Variants in RUFY1 observed in about 807,000 individuals in gnomAD.
RUFY1 encodes the protein RUN and FYVE domain containing 1, also known as RUN and FYVE domain-containing protein 1.
Under a neutral mutation model 94.6 loss-of-function variants are expected in RUFY1, and 54 were observed. The observed-to-expected ratio is 0.57, with a 90% CI of 0.46 to 0.72. RUFY1 has a LOEUF of 0.72. RUFY1 is among the 30% of genes least tolerant of loss of function. RUFY1 has a pLI of 0.00. For missense variants in RUFY1, 883 were observed against 883.9 expected (o/e 1.00, Z 0.01); for synonymous variants, 396 against 347.3 (o/e 1.14, Z -1.56).
intron 17 of RUFY1, chr5:179,608,693 TGAG>T (rs1767368549): frequency 2.2e-6 from 2 of 924,544 alleles, no homozygotes; most frequent in African/African-American, 1.8e-5. Context: ...TTTGGGAGGC[TGAG>T]GTGGGTGGAT....
At chr5:179,588,691 AT>A (rs1208732589) in intron 8 of RUFY1, among the ~76,000 whole-genome samples, 3 of 152,122 alleles carry the variant, frequency 2.0e-5, no homozygotes, top group Admixed American at 6.6e-5. Flanking sequence ...AGTGACAACT[AT>A]TCTTGTCATT....
intron 2 of RUFY1, 116 bp downstream of exon 2, chr5:179,560,314 A>T: frequency 7.6e-7 from 1 of 1,314,774 alleles, no homozygotes. Flanking sequence ...TGTACAGAAC[A>T]GGCAAGGTTC....
intron 11 of RUFY1, 97 bp from the exon 12 acceptor site, chr5:179,594,760 CAAAAAAAAA>C (rs57540208): frequency 5.4e-4 from 179 of 333,470 alleles, no homozygotes; most frequent in Middle Eastern, 1.7e-3. Context: ...GACTCTGTCT[CAAAAAAAAA>C]AAAAAAAAAA....
At chr5:179,578,700 G>A (rs1763853713) in intron 6 of RUFY1, among the ~76,000 whole-genome samples, 1 of 152,076 alleles carries the variant, frequency 6.6e-6, no homozygotes, top group Non-Finnish European at 1.5e-5. Context: ...CTAGAGTGCA[G>A]TGGCACGATC....
intron 4 of RUFY1, 38 bp from the exon 5 acceptor site, chr5:179,569,264 G>GCT (rs750215432): frequency 1.3e-5 from 21 of 1,613,194 alleles, no homozygotes; most frequent in Non-Finnish European, 1.8e-5. Flanking sequence ...TGGTGAAGCT[G>GCT]TTTCTGAGCA....
chr5:179,592,897 G>C (rs1297678707), intron 10 of RUFY1, among the ~76,000 whole-genome samples: 1 of 152,122 alleles, frequency 6.6e-6, no homozygotes, highest in African/African-American at 2.4e-5. Context: ...CTGATCTGTG[G>C]GTATGGAAAA....
intron 1 of RUFY1, among the ~76,000 whole-genome samples, chr5:179,554,602 T>C (rs2127502403): frequency 6.6e-6 from 1 of 151,914 alleles, no homozygotes; most frequent in African/African-American, 2.4e-5. Flanking sequence ...TGTCCATAGG[T>C]GTCCTGTTTG....
At chr5:179,606,181 T>C (rs532212257) in intron 16 of RUFY1, 3 of 551,712 alleles carry the variant, frequency 5.4e-6, no homozygotes, top group Non-Finnish European at 9.6e-6. Flanking sequence ...ATAGGCCTGA[T>C]GGGCATTCCC....
chr5:179,558,613 T>C (rs1394099253), intron 1 of RUFY1, among the ~76,000 whole-genome samples: 1 of 151,972 alleles, frequency 6.6e-6, no homozygotes, highest in African/African-American at 2.4e-5. Context: ...CGAAATGCTT[T>C]ACTTAAGCCA....
chr5:179,586,959 T>C (rs375363118), intron 8 of RUFY1, among the ~76,000 whole-genome samples: 2 of 152,208 alleles, frequency 1.3e-5, no homozygotes, highest in East Asian at 3.8e-4. Context: ...CTCGAGTTGT[T>C]TGATTTTAGA....
At chr5:179,606,993 C>G (rs943656251) in intron 16 of RUFY1, 2 of 153,288 alleles carry the variant, frequency 1.3e-5, no homozygotes, top group African/African-American at 4.8e-5. Flanking sequence ...CCTTTCAAAG[C>G]CTCAGCCGCC....
At position 179,567,481 on chromosome 5, in the gene RUFY1, G is replaced by T. The variant is rs767996315; in HGVS notation, c.623G>T (p.Arg208Leu). ...PELKTAVGRG[R>L]AWLYLALMQK... ...TCTAGGACAGCTGTGGGAAGAGGCC[G>T]AGCGTGGCTTTATCTTGCACTCATG... is the stretch of plus-strand genomic sequence containing the variant. The change falls in exon 4 of 18, where the codon CGA becomes CTA. Residue 208 changes from arginine to leucine, a missense_variant. Physicochemically the swap from Arg to Leu is moderately radical, Grantham distance 102. Coordinates refer to ENST00000319449, the MANE Select transcript of RUFY1 (RefSeq NM_025158.5). 1 of 1,613,848 alleles carries T rather than the reference G, an allele frequency of 6.2e-7. No homozygotes were observed. Among genetic ancestry groups the T allele is most frequent in the East Asian group, 2.2e-5 (1 of 44,892 alleles).
chr5:179,560,332 C>A (rs1762343804), intron 2 of RUFY1, 134 bp downstream of exon 2: 1 of 1,133,470 alleles, frequency 8.8e-7, no homozygotes, highest in Non-Finnish European at 1.2e-6. Flanking sequence ...TTCCTGTATT[C>A]AGAAGCGACG....
intron 7 of RUFY1, among the ~76,000 whole-genome samples, chr5:179,584,067 T>C (rs1236176011): frequency 6.6e-6 from 1 of 152,230 alleles, no homozygotes; most frequent in Non-Finnish European, 1.5e-5. Flanking sequence ...AAGAAAAATA[T>C]ACAATTGGGG....
chr5:179,578,242 C>A (rs1181342445), intron 6 of RUFY1, among the ~76,000 whole-genome samples: 3 of 152,156 alleles, frequency 2.0e-5, no homozygotes, highest in Admixed American at 1.3e-4. Flanking sequence ...GAGATGGATT[C>A]TCGCTCTGTC....
At position 179,609,462 on chromosome 5, in the gene RUFY1, A is replaced by G; in HGVS notation, c.2070A>G (p.Arg690=). 6.2e-7 allele frequency: 1 copy of G among 1,611,750 alleles called. No individual in the cohort carries two copies. The highest frequency in any genetic ancestry group is 8.5e-7 in the Non-Finnish European group (1 of 1,179,718). Residue 690 remains arginine, a synonymous_variant, in exon 18 of 18, where the codon CGA becomes CGG. Transcript: ENST00000319449. ...LALPSYPKPV[R]VCDSCHTLLL... ...TGCCCTCCTACCCCAAGCCGGTGCG[A>G]GTGTGCGACAGCTGCCACACCCTGC...
rs750910790 is a variant in RUFY1, at chr5:179,550,579, C to G, written c.10C>G (p.Arg4Gly). MAD[R>G]EGGCAAGRGR... The stretch of plus-strand genomic sequence containing the variant: ...ACATGACACGGCCAAGATGGCCGAC[C>G]GGGAAGGCGGCTGCGCTGCTGGGCG... The change falls in exon 1 of 18, where the codon CGG (arginine) becomes GGG (glycine). Residue 4 changes from arginine (R) to glycine (G), a missense_variant. Transcript: ENST00000319449. 5.9e-6 allele frequency: 7 copies of G among 1,187,434 alleles called. No homozygotes were observed. The highest frequency in any genetic ancestry group is 4.1e-5 in the African/African-American group (2 of 48,742). 73.6% of individuals were successfully genotyped at this position (1,187,434 alleles called of 1,614,324 possible).
intron 1 of RUFY1, among the ~76,000 whole-genome samples, chr5:179,559,041 C>T (rs1561957108): frequency 6.6e-6 from 1 of 152,184 alleles, no homozygotes; most frequent in Non-Finnish European, 1.5e-5. Context: ...CAGCTGCAAA[C>T]CAAAAACAAT....
At chr5:179,556,386 G>A (rs1762115448) in intron 1 of RUFY1, among the ~76,000 whole-genome samples, 2 of 151,974 alleles carry the variant, frequency 1.3e-5, no homozygotes, top group Admixed American at 6.6e-5. Flanking sequence ...GAAGCTCTAA[G>A]TGTATAAAAA....
Sources: gnomAD v4.1 joint callset for allele counts (sites outside exome capture counted in the v4.1 genomes callset) on GRCh38, gnomAD v4.1.1 for gene constraint, MANE v1.5 for transcripts, NCBI Gene and HGNC (gene_info 2026-07-23, HGNC 2026-07-21) for gene names.